FRRS1L: variants seen among roughly 807,000 people sequenced by gnomAD.
The protein encoded by FRRS1L is ferric chelate reductase 1 like, also known as DOMON domain-containing protein FRRS1L.
FRRS1L carries 22 observed loss-of-function variants against 28.6 expected under a neutral mutation model. The observed-to-expected ratio is 0.77, with a 90% CI of 0.55 to 1.10. The LOEUF is 1.10. FRRS1L is among the 50% of genes least tolerant of loss of function. FRRS1L has a pLI of 0.00. For missense variants in FRRS1L, 380 were observed against 386.9 expected, an observed-to-expected ratio of 0.98 and a Z score of 0.15; for synonymous variants, 158 against 151.4, an observed-to-expected ratio of 1.04 and a Z score of -0.32.
chr9:109,146,521 C>T (rs956185048), intron 3 of FRRS1L, among the ~76,000 whole-genome samples: 5 of 152,090 alleles, frequency 3.3e-5, no homozygotes, highest in African/African-American at 9.7e-5. Context: ...GGGAACACCC[C>T]CACACATCTG....
chr9:109,158,705 T>A (rs1031521341), intron 1 of FRRS1L, among the ~76,000 whole-genome samples: 1 of 152,268 alleles, frequency 6.6e-6, no homozygotes, highest in Non-Finnish European at 1.5e-5. Context: ...TTCCATTGTA[T>A]GGATCAACCA....
At position 109,137,613 on chromosome 9, in the gene FRRS1L, G is replaced by T; in HGVS notation, c.724C>A (p.His242Asn). ...GAAGCCGGCGGTGAGTCTATATCATGTCGAGTGATAGAGCCTTTAAGAAAA... is the reference window on the plus strand; with the variant it reads ...GAAGCCGGCGGTGAGTCTATATCATTTCGAGTGATAGAGCCTTTAAGAAAA... Reference protein sequence around the residue: ...GPAIQGSITRHDIDSPPASER... With the variant: ...GPAIQGSITRNDIDSPPASER... Residue 242 changes from histidine to asparagine, a missense_variant, in exon 5 of 5, where the codon CAT (histidine) becomes AAT (asparagine). His to Asn is a moderately conservative substitution (Grantham distance 68, BLOSUM62 1). Transcript: ENST00000561981. The T allele has an allele frequency of 6.3e-7, 1 of 1,588,536 alleles. No individual in the cohort carries two copies. Among genetic ancestry groups the T allele is most frequent in the South Asian group, 1.2e-5 (1 of 86,592 alleles).
intron 1 of FRRS1L, among the ~76,000 whole-genome samples, chr9:109,158,946 G>C (rs1460613159): frequency 1.3e-5 from 2 of 152,068 alleles, no homozygotes; most frequent in African/African-American, 4.8e-5. Flanking sequence ...ATGTATGAGA[G>C]GTCCAATTTC....
chr9:109,144,840 C>T (rs1831236144), intron 3 of FRRS1L, among the ~76,000 whole-genome samples: 1 of 151,584 alleles, frequency 6.6e-6, no homozygotes, highest in Non-Finnish European at 1.5e-5. Context: ...CCCGCCACCA[C>T]ACCCAGCTAA....
At chr9:109,164,510 T>C (rs1831521774) in intron 1 of FRRS1L, among the ~76,000 whole-genome samples, 1 of 151,190 alleles carries the variant, frequency 6.6e-6, no homozygotes, top group Admixed American at 6.6e-5. Context: ...GCAATTCTCC[T>C]GCCTCAGCCT....
In FRRS1L at chr9:109,141,539, G is replaced by A. The variant is rs1434650129; in HGVS notation, c.513C>T (p.Arg171=). 1 of 1,613,916 alleles carries A rather than the reference G, an allele frequency of 6.2e-7. No individual in the cohort carries two copies. Among genetic ancestry groups the A allele is most frequent in the Non-Finnish European group, 8.5e-7 (1 of 1,179,930 alleles). Residue 171 remains arginine (R), a synonymous_variant, in exon 4 of 5, where the codon CGC becomes CGT. Transcript: ENST00000561981. ...GGCCTACATTATAGAAGTGCTGTATGCGGACCCTGCCATTGTCATCATGGA... is the reference window on the plus strand; with the variant it reads ...GGCCTACATTATAGAAGTGCTGTATACGGACCCTGCCATTGTCATCATGGA... ...ACVHDDNGRV[R]IQHFYNVGQW...
Position 109,166,891 on chromosome 9 carries a change from G to A in FRRS1L, c.238+10C>T. The A allele has an allele frequency of 1.1e-5, 5 of 475,956 alleles. No individual in the cohort carries two copies. The highest frequency in any genetic ancestry group is 3.7e-5 in the South Asian group (1 of 27,302). 29.5% of individuals were successfully genotyped at this position (475,956 alleles called of 1,614,324 possible). A position where few individuals can be genotyped will look rare whatever the true frequency, so the allele number is the denominator to read the frequency against. On this transcript the variant is annotated intron_variant, in intron 1 of 4. Coordinates refer to ENST00000561981, the MANE Select transcript of FRRS1L (RefSeq NM_014334.4). ...CCCTCCCGCAACCCCTCGCCCTCCC[G>A]CAGCCTCACCCTCCTCCGACAGGTA... is the stretch of plus-strand genomic sequence containing the variant.
intron 1 of FRRS1L, 25 bp downstream of exon 1, chr9:109,166,876 A>T: frequency 1.1e-6 from 1 of 942,270 alleles, no homozygotes; most frequent in Non-Finnish European, 1.3e-6. Context: ...CCCTCCCGCA[A>T]CCCCTCGCCC....
At chr9:109,161,705 T>A (rs1191165659) in intron 1 of FRRS1L, among the ~76,000 whole-genome samples, 2 of 152,216 alleles carry the variant, frequency 1.3e-5, no homozygotes, top group Admixed American at 1.3e-4. Context: ...TTCTAATTAA[T>A]GGCTTGGCTC....
At chr9:109,155,245 T>A (rs1831389741) in intron 1 of FRRS1L, among the ~76,000 whole-genome samples, 1 of 152,252 alleles carries the variant, frequency 6.6e-6, no homozygotes, top group Admixed American at 6.5e-5. Flanking sequence ...ATCACTTGTG[T>A]ATGTTTTAAT....
Position 109,141,363 on chromosome 9 carries a change from G to A in FRRS1L, c.689C>T (p.Ala230Val), listed in dbSNP as rs2118467378. 5.6e-6 allele frequency: 9 copies of A among 1,614,128 alleles called. No homozygotes were observed. The highest frequency in any genetic ancestry group is 7.6e-6 in the Non-Finnish European group (9 of 1,179,998). Residue 230 changes from alanine to valine, a missense_variant, in exon 4 of 5, where the codon GCT (alanine) becomes GTT (valine). Transcript: ENST00000561981. Reference protein sequence around the residue: ...DLHLSWYYLFAWGPAIQGSIT... With the variant: ...DLHLSWYYLFVWGPAIQGSIT... ...CTTACCCTGAATGGCTGGACCCCAAGCAAACAGATAATACCAACTCAAATG... is the reference window on the plus strand; with the variant it reads ...CTTACCCTGAATGGCTGGACCCCAAACAAACAGATAATACCAACTCAAATG...
chr9:109,152,942 G>A (rs1234815766), intron 1 of FRRS1L, among the ~76,000 whole-genome samples: 3 of 150,606 alleles, frequency 2.0e-5, no homozygotes, highest in Non-Finnish European at 4.4e-5. Context: ...TGGCTTCTCA[G>A]GACTTTTCTA....
intron 1 of FRRS1L, among the ~76,000 whole-genome samples, chr9:109,156,246 T>G (rs1313187194): frequency 6.6e-6 from 1 of 152,260 alleles, no homozygotes; most frequent in African/African-American, 2.4e-5. Context: ...TGCCAGAAAT[T>G]TGTGTATCTT....
chr9:109,167,112 CG>C lies in FRRS1L; in HGVS notation c.26del (p.Pro9ArgfsTer12). 1 of 1,169,860 alleles carries C rather than the reference CG, an allele frequency of 8.5e-7. No individual in the cohort carries two copies. The highest frequency in any genetic ancestry group is 1.1e-6 in the Non-Finnish European group (1 of 950,036). The allele number at this position is 1,169,860 out of a possible 1,614,324, so 72.5% of individuals were successfully genotyped here. A position where few individuals can be genotyped will look rare whatever the true frequency, so the allele number is the denominator to read the frequency against. The part of the protein sequence containing the change: MARPPRQH[P>X]GVWASLLLLL... ...GCAGGAGCAGCGACGCCCAGACCCC[CG>C]GGTGCTGCCGGGGCGGCCGCGCCAT... is the stretch of plus-strand genomic sequence containing the variant. On this transcript the variant is annotated frameshift_variant, in exon 1 of 5. Coordinates refer to ENST00000561981, the MANE Select transcript of FRRS1L (RefSeq NM_014334.4). LOFTEE classifies it high-confidence loss of function.
chr9:109,162,707 C>G (rs1269231416), intron 1 of FRRS1L, among the ~76,000 whole-genome samples: 1 of 152,166 alleles, frequency 6.6e-6, no homozygotes. Flanking sequence ...TAAATTGTTA[C>G]CCTTAAAGGA....
At position 109,141,370 on chromosome 9, in the gene FRRS1L, G is replaced by C. The variant is rs1831183118; in HGVS notation, c.682C>G (p.Leu228Val). ...IVDLHLSWYY[L>V]FAWGPAIQGS... ...TGAATGGCTGGACCCCAAGCAAACA[G>C]ATAATACCAACTCAAATGCAGATCA... Residue 228 changes from leucine (L) to valine (V), a missense_variant, in exon 4 of 5, where the codon CTG becomes GTG. By Grantham distance (32) the Leu-to-Val change is conservative. Transcript: ENST00000561981. 3 of 1,614,018 alleles carry C rather than the reference G, an allele frequency of 1.9e-6. No homozygotes were observed. Among genetic ancestry groups the C allele is most frequent in the Admixed American group, 3.3e-5 (2 of 60,000 alleles).
Position 109,131,250 on chromosome 9 carries a change from G to GA in FRRS1L, c.*6204dup, listed in dbSNP as rs1483532050. 1 of 152,166 alleles carries GA rather than the reference G, an allele frequency of 6.6e-6. No individual in the cohort carries two copies. The highest frequency in any genetic ancestry group is 1.5e-5 in the Non-Finnish European group (1 of 68,032). The allele number at this position is 152,166 out of a possible 1,614,324, so 9.4% of individuals were successfully genotyped here. ...TCTTGGTTTCTTAACTAACAGTATA[G>GA]AAAAGTCACATTCAACAGTGGTACT... On this transcript the variant is annotated 3_prime_UTR_variant, in exon 5 of 5. Coordinates refer to ENST00000561981, the MANE Select transcript of FRRS1L (RefSeq NM_014334.4).
At position 109,141,424 on chromosome 9, in the gene FRRS1L, C is replaced by A; in HGVS notation, c.628G>T (p.Val210Leu). The change falls in exon 4 of 5, where the codon GTG (valine) becomes TTG (leucine). Residue 210 changes from valine to leucine, a missense_variant. Physicochemically the swap from Val to Leu is conservative, Grantham distance 32. Transcript: ENST00000561981. ...ATTGTTTCATCTCTGGGAACATTCA[C>A]AGGGCGTTTAAATCTGCAGGTGACG... ...NRVTCRFKRP[V>L]NVPRDETIVD... The A allele has an allele frequency of 6.2e-7, 1 of 1,614,160 alleles. No individual in the cohort carries two copies. The highest frequency in any genetic ancestry group is 8.5e-7 in the Non-Finnish European group (1 of 1,180,012).
In FRRS1L at chr9:109,166,900, C is replaced by T. The variant is rs1211084066; in HGVS notation, c.238+1G>A. ...AACCCCTCGCCCTCCCGCAGCCTCACCCTCCTCCGACAGGTAGCGCAGGTC... is the reference window on the plus strand; with the variant it reads ...AACCCCTCGCCCTCCCGCAGCCTCATCCTCCTCCGACAGGTAGCGCAGGTC... On this transcript the variant is annotated splice_donor_variant, in intron 1 of 4. Coordinates refer to ENST00000561981, the MANE Select transcript of FRRS1L (RefSeq NM_014334.4). LOFTEE classifies it high-confidence loss of function. 7.5e-7 allele frequency: 1 copy of T among 1,325,900 alleles called. No individual in the cohort carries two copies. The highest frequency in any genetic ancestry group is 9.7e-7 in the Non-Finnish European group (1 of 1,025,912). The allele number at this position is 1,325,900 out of a possible 1,614,324, so 82.1% of individuals were successfully genotyped here. A position where few individuals can be genotyped will look rare whatever the true frequency, so the allele number is the denominator to read the frequency against.
Sources: allele counts gnomAD v4.1 joint callset (sites outside exome capture counted in the v4.1 genomes callset), GRCh38; gene constraint gnomAD v4.1.1; transcripts MANE v1.5; gene names NCBI Gene and HGNC (gene_info 2026-07-23, HGNC 2026-07-21).